Variants in LDLRAD2 observed in about 807,000 individuals in gnomAD.
LDLRAD2 encodes low-density lipoprotein receptor class A domain-containing protein 2.
LDLRAD2 carries 25 observed loss-of-function variants against 24.9 expected under a neutral mutation model. The ratio of observed to expected loss-of-function variants is 1.00; its 90% CI spans 0.73 to 1.40. LDLRAD2 has a LOEUF of 1.40. LDLRAD2 is among the 40% of genes most tolerant of loss of function. The pLI is 0.00. For synonymous variants in LDLRAD2, 182 were observed against 166.7 expected, an observed-to-expected ratio of 1.09 and a Z score of -0.71; for missense variants, 391 against 366.2, an observed-to-expected ratio of 1.07 and a Z score of -0.55.
At chr1:21,820,110 G>A (rs6658598) in intron 3 of LDLRAD2, among the ~76,000 whole-genome samples, 3,351 of 152,232 alleles carry the variant, frequency 0.022, 109 homozygotes, top group African/African-American at 0.076. Flanking sequence ...CTCCAACACT[G>A]GGAATTACAA....
At chr1:21,818,306 C>T (rs114623348) in intron 3 of LDLRAD2, among the ~76,000 whole-genome samples, 1,581 of 152,336 alleles carry the variant, frequency 0.01, 14 homozygotes, top group Non-Finnish European at 0.018. Flanking sequence ...GCCTCCGCAC[C>T]CGGCCTCATG....
At chr1:21,820,537 A>AAAAAG (rs1400207651) in intron 3 of LDLRAD2, among the ~76,000 whole-genome samples, 10 of 146,290 alleles carry the variant, frequency 6.8e-5, no homozygotes, top group Non-Finnish European at 4.5e-5. Context: ...AAAAAAAAAA[A>AAAAAG]AAAAGAAAAG....
chr1:21,824,545 G>T lies in LDLRAD2; in HGVS notation c.*2330G>T. The T allele has an allele frequency of 6.2e-7, 1 of 1,613,514 alleles. No individual in the cohort carries two copies. The highest frequency in any genetic ancestry group is 8.5e-7 in the Non-Finnish European group (1 of 1,179,992). Reference sequence around the variant, plus strand: ...CGGATACCCACACTCACCACACCCTGCCAGAGCAGGAGGCCACTGGCTGTG... The same window carrying T: ...CGGATACCCACACTCACCACACCCTTCCAGAGCAGGAGGCCACTGGCTGTG... On this transcript the variant is annotated 3_prime_UTR_variant, in exon 5 of 5. Coordinates refer to ENST00000344642, the MANE Select transcript of LDLRAD2 (RefSeq NM_001013693.3). This position sits in a 1 kb window ranked among gnomAD's most constrained non-coding sequence, Gnocchi z 5.9.
Position 21,823,443 on chromosome 1 carries a change from G to C in LDLRAD2, c.*1228G>C. On this transcript the variant is annotated 3_prime_UTR_variant, in exon 5 of 5. Coordinates refer to ENST00000344642, the MANE Select transcript of LDLRAD2 (RefSeq NM_001013693.3). ...GTTCTTGACACAGCCTGTGATGCCTGAGGAGAATCTGCCCCCGGTCAGCGT... is the reference window on the plus strand; with the variant it reads ...GTTCTTGACACAGCCTGTGATGCCTCAGGAGAATCTGCCCCCGGTCAGCGT... The C allele has an allele frequency of 6.3e-7, 1 of 1,592,824 alleles. No homozygotes were observed. Among genetic ancestry groups the C allele is most frequent in the Admixed American group, 1.7e-5 (1 of 58,462 alleles).
rs777311066 is a variant in LDLRAD2, at chr1:21,823,213, C to T, written c.*998C>T. Reference sequence around the variant, plus strand: ...GGGCGGTAGCAGCAAAGCGTGGCATCGCCTCGGTTTCTTACAAAAATTCAT... The same window carrying T: ...GGGCGGTAGCAGCAAAGCGTGGCATTGCCTCGGTTTCTTACAAAAATTCAT... On this transcript the variant is annotated 3_prime_UTR_variant, in exon 5 of 5. Transcript: ENST00000344642. 3.8e-4 allele frequency: 433 copies of T among 1,142,550 alleles called. 2 individuals are homozygous for T. The highest frequency in any genetic ancestry group is 5.0e-4 in the Non-Finnish European group (424 of 853,698). 70.8% of individuals were successfully genotyped at this position (1,142,550 alleles called of 1,614,324 possible).
At position 21,822,503 on chromosome 1, in the gene LDLRAD2, G is replaced by T. The variant is rs14494; in HGVS notation, c.*288G>T. ...CACCAGCGGCATCCGTCCGTCCGTT[G>T]TCTGTTGGAGGAGTCCCTGGGCCTT... On this transcript the variant is annotated 3_prime_UTR_variant, in exon 5 of 5. Coordinates refer to ENST00000344642, the MANE Select transcript of LDLRAD2 (RefSeq NM_001013693.3). The T allele has an allele frequency of 2.6e-6, 1 of 387,088 alleles. No homozygotes were observed. The highest frequency in any genetic ancestry group is 2.5e-5 in the South Asian group (1 of 40,464). The allele number at this position is 387,088 out of a possible 1,614,324, so 24.0% of individuals were successfully genotyped here.
intron 1 of LDLRAD2, 38 bp from the exon 2 acceptor site, chr1:21,814,360 G>C (rs1253925800): frequency 2.4e-5 from 36 of 1,518,612 alleles, no homozygotes; most frequent in Non-Finnish European, 2.6e-5. Context: ...GTTCGGGGTC[G>C]CGCCGCGCGG....
In LDLRAD2 at chr1:21,823,356, C is replaced by A. The variant is rs557379530; in HGVS notation, c.*1141C>A. The A allele has an allele frequency of 6.5e-7, 1 of 1,544,938 alleles. No individual in the cohort carries two copies. Among genetic ancestry groups the A allele is most frequent in the South Asian group, 1.2e-5 (1 of 84,626 alleles). ...GCGTGTGTTGGCCCCGGCCTGGGCG[C>A]GGTGCTGCAGGTCCAGGGGCTGTGG... On this transcript the variant is annotated 3_prime_UTR_variant, in exon 5 of 5. Transcript: ENST00000344642.
rs1389372818 is a variant in LDLRAD2 at position 21,822,433 on chromosome 1, C to G, written c.*218C>G. 1.7e-6 allele frequency: 1 copy of G among 579,778 alleles called. No homozygotes were observed. The highest frequency in any genetic ancestry group is 2.9e-5 in the East Asian group (1 of 34,516). The allele number at this position is 579,778 out of a possible 1,614,324, so 35.9% of individuals were successfully genotyped here. ...ATATCCCCCTCCTCTCTCTCTCAGT[C>G]GTGAGTCCTGCCTTCCCCCACCTAA... On this transcript the variant is annotated 3_prime_UTR_variant, in exon 5 of 5. Coordinates refer to ENST00000344642, the MANE Select transcript of LDLRAD2 (RefSeq NM_001013693.3).
At position 21,823,329 on chromosome 1, in the gene LDLRAD2, G is replaced by C; in HGVS notation, c.*1114G>C. The C allele has an allele frequency of 6.5e-7, 1 of 1,539,768 alleles. No individual in the cohort carries two copies. Among genetic ancestry groups the C allele is most frequent in the Non-Finnish European group, 8.7e-7 (1 of 1,144,956 alleles). ...GCAGGCAGGTGCCTACGAGGGGCAGGGGCGTGTGTTGGCCCCGGCCTGGGC... is the reference window on the plus strand; with the variant it reads ...GCAGGCAGGTGCCTACGAGGGGCAGCGGCGTGTGTTGGCCCCGGCCTGGGC... On this transcript the variant is annotated 3_prime_UTR_variant, in exon 5 of 5. Coordinates refer to ENST00000344642, the MANE Select transcript of LDLRAD2 (RefSeq NM_001013693.3).
Position 21,824,463 on chromosome 1 carries a change from C to CA in LDLRAD2, c.*2249dup. 6.2e-7 allele frequency: 1 copy of CA among 1,603,294 alleles called. No individual in the cohort carries two copies. The highest frequency in any genetic ancestry group is 1.1e-5 in the South Asian group (1 of 90,906). ...AGGGGGCTCTGCTTTCCCCTCCCCCCACCACTCCGGCCACCAGGAAGCCAG... is the reference window on the plus strand; with the variant it reads ...AGGGGGCTCTGCTTTCCCCTCCCCCCAACCACTCCGGCCACCAGGAAGCCAG... On this transcript the variant is annotated 3_prime_UTR_variant, in exon 5 of 5. Coordinates refer to ENST00000344642, the MANE Select transcript of LDLRAD2 (RefSeq NM_001013693.3). The surrounding 1 kb of genome is among the most constrained non-coding windows in gnomAD (Gnocchi z 5.9).
At position 21,812,561 on chromosome 1, in the gene LDLRAD2, G is replaced by A. The variant is rs562017205; in HGVS notation, c.85+25G>A. 6.9e-6 allele frequency: 11 copies of A among 1,602,624 alleles called. No homozygotes were observed. In the Admixed American group the frequency reaches 8.3e-5, roughly 12 times the overall value. On this transcript the variant is annotated intron_variant, in intron 1 of 4. Transcript: ENST00000344642. ...GGTAAGTATCAGGGGGCTTGGTTGG[G>A]GCACCCAGAAGACTTGGGCCCCCAC... is the stretch of plus-strand genomic sequence containing the variant.
chr1:21,819,902 A>G (rs2097948418), intron 3 of LDLRAD2, among the ~76,000 whole-genome samples: 1 of 152,258 alleles, frequency 6.6e-6, no homozygotes, highest in South Asian at 2.1e-4. Flanking sequence ...CAAGAAACTT[A>G]CAATCTTGGC....
chr1:21,823,304 G>T lies in LDLRAD2; in HGVS notation c.*1089G>T. Reference sequence around the variant, plus strand: ...GGCGTGGCCCGGGAGTCCGTGTGGGGCAGGCAGGTGCCTACGAGGGGCAGG... The same window carrying T: ...GGCGTGGCCCGGGAGTCCGTGTGGGTCAGGCAGGTGCCTACGAGGGGCAGG... On this transcript the variant is annotated 3_prime_UTR_variant, in exon 5 of 5. Coordinates refer to ENST00000344642, the MANE Select transcript of LDLRAD2 (RefSeq NM_001013693.3). 1 of 1,519,960 alleles carries T rather than the reference G, an allele frequency of 6.6e-7. No individual in the cohort carries two copies. The highest frequency in any genetic ancestry group is 8.8e-7 in the Non-Finnish European group (1 of 1,134,082). The allele number at this position is 1,519,960 out of a possible 1,614,324, so 94.2% of individuals were successfully genotyped here.
At position 21,823,706 on chromosome 1, in the gene LDLRAD2, C is replaced by T. The variant is rs1250006658; in HGVS notation, c.*1491C>T. On this transcript the variant is annotated 3_prime_UTR_variant, in exon 5 of 5. Coordinates refer to ENST00000344642, the MANE Select transcript of LDLRAD2 (RefSeq NM_001013693.3). ...TCCTCACCGTCGACTTGGATGGAAC[C>T]TCTGCGGCCCTCCCTGCAGTGGAAC... 9.9e-6 allele frequency: 16 copies of T among 1,613,478 alleles called. No individual in the cohort carries two copies. The highest frequency in any genetic ancestry group is 6.7e-5 in the East Asian group (3 of 44,888).
chr1:21,824,716 A>G lies in LDLRAD2; in HGVS notation c.*2501A>G. The G allele has an allele frequency of 6.2e-7, 1 of 1,613,740 alleles. No individual in the cohort carries two copies. The highest frequency in any genetic ancestry group is 8.5e-7 in the Non-Finnish European group (1 of 1,179,900). On this transcript the variant is annotated 3_prime_UTR_variant, in exon 5 of 5. Transcript: ENST00000344642. This position sits in a 1 kb window ranked among gnomAD's most constrained non-coding sequence, Gnocchi z 5.9. ...ATGCCAGTCTCACCTCCTGGAGAAG[A>G]CATGGCCAGGGAAGGCGAGGAAGCC... is the stretch of plus-strand genomic sequence containing the variant.
rs1019647800 is a variant in LDLRAD2 at position 21,814,414 on chromosome 1, G to T, written c.102G>T (p.Leu34=). The change falls in exon 2 of 5, where the codon CTG becomes CTT. Residue 34 remains leucine, a synonymous_variant. Transcript: ENST00000344642. The part of the protein sequence containing the change: ...TALETADLAE[L]CGQTWQGDGL... Reference sequence around the variant, plus strand: ...CCGCTGCAGCCGACCTGGCGGAACTGTGCGGGCAGACGTGGCAGGGGGACG... The same window carrying T: ...CCGCTGCAGCCGACCTGGCGGAACTTTGCGGGCAGACGTGGCAGGGGGACG... 6 of 1,604,724 alleles carry T rather than the reference G, an allele frequency of 3.7e-6. No homozygotes were observed. Among genetic ancestry groups the T allele is most frequent in the Non-Finnish European group, 4.3e-6 (5 of 1,175,628 alleles).
At position 21,812,275 on chromosome 1, in the gene LDLRAD2, T is replaced by C. The variant is rs2097939183; in HGVS notation, c.-177T>C. On this transcript the variant is annotated 5_prime_UTR_variant, in exon 1 of 5. It removes an upstream start codon present in the reference 5' UTR. Transcript: ENST00000344642. ...CCCCTGGACACAGTTCTGAACCAAA[T>C]GAAGAGGATCTGGAAGGCAAAGCAC... The C allele has an allele frequency of 1.9e-5, 11 of 573,786 alleles. No individual in the cohort carries two copies. The highest frequency in any genetic ancestry group is 1.2e-4 in the South Asian group (6 of 50,068). 35.5% of individuals were successfully genotyped at this position (573,786 alleles called of 1,614,324 possible). A position where few individuals can be genotyped will look rare whatever the true frequency, so the allele number is the denominator to read the frequency against.
At chr1:21,818,775 A>G (rs920082256) in intron 3 of LDLRAD2, among the ~76,000 whole-genome samples, 1 of 152,016 alleles carries the variant, frequency 6.6e-6, no homozygotes, top group Non-Finnish European at 1.5e-5. Flanking sequence ...CCCTCATCAC[A>G]TTCAGCAAAG....
Sources: allele counts gnomAD v4.1 joint callset (sites outside exome capture counted in the v4.1 genomes callset), GRCh38; gene constraint gnomAD v4.1.1; non-coding constraint Gnocchi (gnomAD v3.1); transcripts MANE v1.5; gene names NCBI Gene and HGNC (gene_info 2026-07-23, HGNC 2026-07-21).